SDK1: variants seen among roughly 807,000 people sequenced by gnomAD.
SDK1 encodes the protein sidekick cell adhesion molecule 1.
Under a neutral mutation model 245.5 loss-of-function variants are expected in SDK1, and 157 were observed. The observed-to-expected ratio is 0.64, with a 90% CI of 0.56 to 0.73. The LOEUF is 0.73. Among genes scored for constraint, SDK1 ranks in the 30% least tolerant of loss-of-function variants. The probability of loss-of-function intolerance (pLI) is 0.00; values close to 1 mark genes in which losing one functional copy is unlikely to be tolerated. For missense variants in SDK1, 3,583 were observed against 3,002.3 expected (o/e 1.19, Z -4.52); for synonymous variants, 1,647 against 1,278.5 (o/e 1.29, Z -6.15).
chr7:3,366,122 T>A (rs910110717), intron 1 of SDK1, among the ~76,000 whole-genome samples: 2 of 152,176 alleles, frequency 1.3e-5, no homozygotes, highest in African/African-American at 2.4e-5. Flanking sequence ...TATTTCTGTT[T>A]CTCTAATTCT....
At position 4,265,785 on chromosome 7, in the gene SDK1, C is replaced by T. The variant is rs1188002090; in HGVS notation, c.*401C>T. The T allele has an allele frequency of 4.9e-6, 5 of 1,011,670 alleles. No individual in the cohort carries two copies. The African/African-American group carries it at 8.6e-5, about 17-fold the overall frequency. The allele number at this position is 1,011,670 out of a possible 1,614,324, so 62.7% of individuals were successfully genotyped here. A position where few individuals can be genotyped will look rare whatever the true frequency, so the allele number is the denominator to read the frequency against. Reference sequence around the variant, plus strand: ...GAGATCTCAGAGCTGCCCCGGCCGGCCCCCGTCTCTTTCTACCTCCTCTTC... The same window carrying T: ...GAGATCTCAGAGCTGCCCCGGCCGGTCCCCGTCTCTTTCTACCTCCTCTTC... On this transcript the variant is annotated 3_prime_UTR_variant, in exon 45 of 45. Transcript: ENST00000404826.
chr7:3,986,548 C>G lies in SDK1; in HGVS notation c.1995-638C>G, dbSNP rs1015451077. Among the ~76,000 whole-genome samples, 3 of 152,124 alleles carry G rather than the reference C, an allele frequency of 2.0e-5. 1 individual carries two copies. The highest frequency in any genetic ancestry group is 7.2e-5 in the African/African-American group (3 of 41,428). Reference sequence around the variant, plus strand: ...TAGTTGTAAAAAACAAATTGTTGACCACGTTTTCTCAATTAAATAATGTAT... The same window carrying G: ...TAGTTGTAAAAAACAAATTGTTGACGACGTTTTCTCAATTAAATAATGTAT... On this transcript the variant is annotated intron_variant, in intron 13 of 44. Coordinates refer to ENST00000404826, the MANE Select transcript of SDK1 (RefSeq NM_152744.4).
In SDK1 at chr7:3,469,058, C is replaced by T. The variant is rs116804865; in HGVS notation, c.299-150022C>T. On this transcript the variant is annotated intron_variant, in intron 1 of 44. Transcript: ENST00000404826. ...TGCTGATCATGTCATTATGTACTGG[C>T]TGATTTTATTTATTTATTTTTAGAG... Among the ~76,000 whole-genome samples, 467 of 152,244 alleles carry T rather than the reference C, an allele frequency of 3.1e-3. 2 individuals are homozygous for T. The highest frequency in any genetic ancestry group is 0.011 in the African/African-American group (445 of 41,546).
intron 1 of SDK1, among the ~76,000 whole-genome samples, chr7:3,415,472 T>A (rs996456543): frequency 6.6e-6 from 1 of 151,876 alleles, no homozygotes; most frequent in Non-Finnish European, 1.5e-5. Flanking sequence ...AAAACAACGG[T>A]GAAAAATGAT....
chr7:3,677,160 A>G (rs905069254), intron 4 of SDK1, among the ~76,000 whole-genome samples: 6 of 150,844 alleles, frequency 4.0e-5, no homozygotes, highest in African/African-American at 1.5e-4. Context: ...GGAATTTCCA[A>G]CTCTCCCACA....
intron 4 of SDK1, among the ~76,000 whole-genome samples, chr7:3,691,956 C>T (rs1260408472): frequency 6.6e-6 from 1 of 152,098 alleles, no homozygotes; most frequent in Non-Finnish European, 1.5e-5. Flanking sequence ...CACTCCCCTC[C>T]CGCTGGGTCT....
At chr7:3,479,956 T>C (rs1475465771) in intron 1 of SDK1, among the ~76,000 whole-genome samples, 1 of 152,130 alleles carries the variant, frequency 6.6e-6, no homozygotes, top group Non-Finnish European at 1.5e-5. Flanking sequence ...TGAAGCTATG[T>C]TATTAGGTAC....
intron 4 of SDK1, among the ~76,000 whole-genome samples, chr7:3,681,930 A>T (rs143669890): frequency 3.5e-4 from 53 of 152,296 alleles, no homozygotes; most frequent in East Asian, 1.5e-3. Flanking sequence ...CAGTCCCTAT[A>T]CTGTATGTAG....
chr7:4,166,096 GT>G (rs1233077457), intron 32 of SDK1, among the ~76,000 whole-genome samples: 1 of 152,246 alleles, frequency 6.6e-6, no homozygotes, highest in East Asian at 1.9e-4. Context: ...CTGTAAGTGG[GT>G]TTTGAGACTG....
intron 5 of SDK1, among the ~76,000 whole-genome samples, chr7:3,831,065 T>C (rs1485670395): frequency 6.6e-6 from 1 of 152,198 alleles, no homozygotes; most frequent in East Asian, 1.9e-4. Flanking sequence ...AGATAAGGAA[T>C]TTTTGGAGGG....
chr7:4,150,207 C>T (rs942912855), intron 30 of SDK1, among the ~76,000 whole-genome samples: 5 of 152,172 alleles, frequency 3.3e-5, no homozygotes, highest in Admixed American at 1.3e-4. Context: ...CTGACCAGGC[C>T]CTCCTGGGGC....
At chr7:3,432,282 A>G (rs1246088675) in intron 1 of SDK1, among the ~76,000 whole-genome samples, 1 of 151,826 alleles carries the variant, frequency 6.6e-6, no homozygotes, top group African/African-American at 2.4e-5. Context: ...GTATCATCAA[A>G]TTGGTCGTGG....
chr7:3,543,073 C>T (rs1038073364), intron 1 of SDK1, among the ~76,000 whole-genome samples: 2 of 152,178 alleles, frequency 1.3e-5, no homozygotes, highest in South Asian at 4.1e-4. Flanking sequence ...AGGCATAATT[C>T]CTATTTGTAT....
At chr7:3,772,168 ACT>A (rs372747514) in intron 4 of SDK1, among the ~76,000 whole-genome samples, 10 of 151,326 alleles carry the variant, frequency 6.6e-5, no homozygotes, top group African/African-American at 2.2e-4. Flanking sequence ...ATGTCTTATC[ACT>A]TTTTTGGTTT....
At chr7:3,709,400 C>G (rs1269002021) in intron 4 of SDK1, among the ~76,000 whole-genome samples, 1 of 152,182 alleles carries the variant, frequency 6.6e-6, no homozygotes, top group Non-Finnish European at 1.5e-5. Flanking sequence ...ACTTAATATT[C>G]CCCACCCCTC....
At chr7:3,727,722 C>T (rs2115037158) in intron 4 of SDK1, among the ~76,000 whole-genome samples, 1 of 152,196 alleles carries the variant, frequency 6.6e-6, no homozygotes, top group South Asian at 2.1e-4. Flanking sequence ...AACTCCTGAC[C>T]TCGGGTGATC....
At chr7:3,463,918 T>A (rs994405420) in intron 1 of SDK1, among the ~76,000 whole-genome samples, 2 of 152,210 alleles carry the variant, frequency 1.3e-5, no homozygotes, top group African/African-American at 2.4e-5. Flanking sequence ...TGTTCTGCCT[T>A]AGGCATGTGT....
intron 5 of SDK1, among the ~76,000 whole-genome samples, chr7:3,881,865 G>A (rs1279674785): frequency 1.3e-5 from 2 of 152,172 alleles, no homozygotes; most frequent in African/African-American, 2.4e-5. Flanking sequence ...CCTTCACATT[G>A]AGGGATGGGC....
intron 35 of SDK1, among the ~76,000 whole-genome samples, chr7:4,197,094 C>G (rs542304079): frequency 6.6e-6 from 1 of 152,326 alleles, no homozygotes; most frequent in African/African-American, 2.4e-5. Flanking sequence ...ATGAAACCTC[C>G]TCTCCCACCT....
Sources: gnomAD v4.1 joint callset for allele counts (sites outside exome capture counted in the v4.1 genomes callset) on GRCh38, gnomAD v4.1.1 for gene constraint, MANE v1.5 for transcripts, NCBI Gene and HGNC (gene_info 2026-07-23, HGNC 2026-07-21) for gene names.